Variants in SYN3 observed in about 807,000 individuals in gnomAD.
SYN3 encodes the protein synapsin-3.
In SYN3, 35 loss-of-function variants were observed where a neutral mutation model predicts 65.8. The observed-to-expected ratio is 0.53, with a 90% CI of 0.41 to 0.70. SYN3 has a LOEUF of 0.70. Among genes scored for constraint, SYN3 ranks in the 30% least tolerant of loss-of-function variants. The pLI is 0.00. For missense variants in SYN3, 680 were observed against 749.0 expected (o/e 0.91, Z 1.08); for synonymous variants, 270 against 292.9 (o/e 0.92, Z 0.80).
intron 6 of SYN3, among the ~76,000 whole-genome samples, chr22:32,650,170 A>G (rs1202088928): frequency 6.6e-6 from 1 of 151,622 alleles, no homozygotes; most frequent in Non-Finnish European, 1.5e-5. Context: ...TTCATTGAGC[A>G]TGTACTAATT....
chr22:32,581,524 C>T (rs1478692815), intron 7 of SYN3, among the ~76,000 whole-genome samples: 1 of 152,162 alleles, frequency 6.6e-6, no homozygotes, highest in Admixed American at 6.5e-5. Context: ...GTCCTTTGTA[C>T]ATCCTGTGGC....
At chr22:33,034,623 T>C (rs7288487) in intron 1 of SYN3, among the ~76,000 whole-genome samples, 8,000 of 152,066 alleles carry the variant, frequency 0.053, 691 homozygotes, top group African/African-American at 0.18. Context: ...AACTAAATAA[T>C]AAGAACAACC....
At chr22:32,852,156 G>A (rs1207601366) in intron 6 of SYN3, among the ~76,000 whole-genome samples, 1 of 152,208 alleles carries the variant, frequency 6.6e-6, no homozygotes, top group East Asian at 1.9e-4. Context: ...TGTTTGACAG[G>A]TGAGGCAACT....
chr22:32,979,718 C>T (rs2052315367), intron 3 of SYN3, among the ~76,000 whole-genome samples: 1 of 152,144 alleles, frequency 6.6e-6, no homozygotes, highest in Non-Finnish European at 1.5e-5. Flanking sequence ...AGGTACTGTT[C>T]AAGCACTTTT....
chr22:32,970,967 C>G (rs922150502), intron 3 of SYN3, among the ~76,000 whole-genome samples: 1 of 152,256 alleles, frequency 6.6e-6, no homozygotes, highest in African/African-American at 2.4e-5. Flanking sequence ...TGCATTCTTA[C>G]TAGCTGTGTC....
intron 6 of SYN3, among the ~76,000 whole-genome samples, chr22:32,630,234 G>A (rs961363730): frequency 6.6e-5 from 10 of 151,894 alleles, no homozygotes; most frequent in African/African-American, 1.7e-4. Context: ...TGCCCCCCTC[G>A]GCCTCCCAGA....
At chr22:32,777,796 CTT>C (rs904494826) in intron 6 of SYN3, among the ~76,000 whole-genome samples, 3 of 151,812 alleles carry the variant, frequency 2.0e-5, no homozygotes, top group Non-Finnish European at 4.4e-5. Context: ...TGAATTAACT[CTT>C]TTTTTTGTCT....
chr22:32,900,698 AC>A (rs1354462328), intron 4 of SYN3, among the ~76,000 whole-genome samples: 56 of 152,342 alleles, frequency 3.7e-4, no homozygotes, highest in African/African-American at 1.3e-3. Flanking sequence ...CCAATGGAAT[AC>A]CTGGCAGACT....
At chr22:32,610,810 G>A (rs888159632) in intron 6 of SYN3, among the ~76,000 whole-genome samples, 2 of 152,132 alleles carry the variant, frequency 1.3e-5, no homozygotes, top group Non-Finnish European at 2.9e-5. Context: ...TCGAACTCTC[G>A]ATCTCAGGTG....
chr22:32,683,242 G>A (rs1330890311), intron 6 of SYN3, among the ~76,000 whole-genome samples: 6 of 152,120 alleles, frequency 3.9e-5, no homozygotes, highest in African/African-American at 7.2e-5. Context: ...GGGGAGCGGG[G>A]TGGGGGGCAG....
chr22:32,820,235 T>A (rs1386872698), intron 6 of SYN3, among the ~76,000 whole-genome samples: 2 of 146,276 alleles, frequency 1.4e-5, no homozygotes, highest in Non-Finnish European at 3.0e-5. Context: ...CATTCCTCCT[T>A]TCTCCCCTGT....
intron 6 of SYN3, among the ~76,000 whole-genome samples, chr22:32,849,277 T>G (rs2048152620): frequency 6.6e-6 from 1 of 152,212 alleles, no homozygotes; most frequent in African/African-American, 2.4e-5. Context: ...TCCTCCAACC[T>G]CCCTCTCACC....
intron 6 of SYN3, chr22:32,635,221 G>GTCTA (rs901376030): frequency 7.9e-5 from 12 of 152,126 alleles, no homozygotes; most frequent in Admixed American, 2.0e-4. Flanking sequence ...CTATCTGTCT[G>GTCTA]TCTATCTATC....
rs553181292 is a variant in SYN3 at position 32,698,399 on chromosome 22, C to T, written c.712-101663G>A. Among the ~76,000 whole-genome samples the T allele has an allele frequency of 3.9e-5, 6 of 152,338 alleles. No individual in the cohort carries two copies. In the East Asian group the frequency reaches 5.8e-4, roughly 15 times the overall value. On this transcript the variant is annotated intron_variant, in intron 6 of 13. Transcript: ENST00000358763. ...AGAATTGTGTACAAAGTTCTGCCAA[C>T]TTATATCCACTCTATTCTCTACCTG...
At chr22:33,002,117 T>C (rs551558679) in intron 2 of SYN3, among the ~76,000 whole-genome samples, 1 of 152,214 alleles carries the variant, frequency 6.6e-6, no homozygotes, top group Non-Finnish European at 1.5e-5. Context: ...CAGAGCCTAA[T>C]AGTGATGCTT....
intron 2 of SYN3, among the ~76,000 whole-genome samples, chr22:32,998,791 A>AAAAAAAAAAAAC (rs1569393622): frequency 1.4e-4 from 20 of 142,228 alleles, no homozygotes; most frequent in Non-Finnish European, 1.8e-4. Context: ...AAAAAAAAAA[A>AAAAAAAAAAAAC]AAAAAAAACA....
At chr22:32,996,064 G>C (rs911912343) in intron 2 of SYN3, among the ~76,000 whole-genome samples, 2 of 152,064 alleles carry the variant, frequency 1.3e-5, no homozygotes, top group African/African-American at 4.8e-5. Flanking sequence ...CTGAATTCCA[G>C]GGCAACTGAA....
chr22:32,757,593 G>T (rs1024448319), intron 6 of SYN3, among the ~76,000 whole-genome samples: 1 of 151,702 alleles, frequency 6.6e-6, no homozygotes, highest in Non-Finnish European at 1.5e-5. Flanking sequence ...CACCGTGCCC[G>T]GCCTGGGCTC....
intron 3 of SYN3, among the ~76,000 whole-genome samples, chr22:32,951,125 T>A (rs1375884071): frequency 6.6e-6 from 1 of 152,094 alleles, no homozygotes; most frequent in Non-Finnish European, 1.5e-5. Context: ...GCAGTGATAA[T>A]AAAAAGGAAA....
Sources: allele counts gnomAD v4.1 joint callset (sites outside exome capture counted in the v4.1 genomes callset), GRCh38; gene constraint gnomAD v4.1.1; transcripts MANE v1.5; gene names NCBI Gene and HGNC (gene_info 2026-07-23, HGNC 2026-07-21).